CYP27C1: variants seen among roughly 807,000 people sequenced by gnomAD.
CYP27C1 encodes cytochrome P450 family 27 subfamily C member 1.
In CYP27C1, 29 loss-of-function variants were observed where a neutral mutation model predicts 40.6. That is an observed-to-expected ratio of 0.71 (90% CI 0.53 to 0.97). The LOEUF is 0.97. Among genes scored for constraint, CYP27C1 ranks in the 50% least tolerant of loss-of-function variants. CYP27C1 has a pLI of 0.00. For synonymous variants in CYP27C1, 198 were observed against 186.8 expected, an observed-to-expected ratio of 1.06 and a Z score of -0.49; for missense variants, 390 against 485.8, an observed-to-expected ratio of 0.80 and a Z score of 1.85.
intron 2 of CYP27C1, among the ~76,000 whole-genome samples, chr2:127,205,339 C>A (rs1319396123): frequency 6.6e-6 from 1 of 152,172 alleles, no homozygotes; most frequent in Non-Finnish European, 1.5e-5. Flanking sequence ...AAGTCCCACC[C>A]CATGGGGATT....
At chr2:127,203,050 C>G (rs1193938182) in intron 3 of CYP27C1, among the ~76,000 whole-genome samples, 2 of 152,036 alleles carry the variant, frequency 1.3e-5, no homozygotes, top group South Asian at 2.1e-4. Context: ...TGCCTGTAAT[C>G]CCAGCTACTC....
At position 127,218,840 on chromosome 2, in the gene CYP27C1, C is replaced by G. The variant is rs868848808; in HGVS notation, c.282+1149G>C. On this transcript the variant is annotated intron_variant, in intron 1 of 8. Transcript: ENST00000664447. This position sits in a 1 kb window ranked among gnomAD's most constrained non-coding sequence, Gnocchi z 6.0. ...GTGCTGGGCCGGGCACCCGGGGAGGCGGACGATGGGCGAAGGCATCGGAGG... is the reference window on the plus strand; with the variant it reads ...GTGCTGGGCCGGGCACCCGGGGAGGGGGACGATGGGCGAAGGCATCGGAGG... Among the ~76,000 whole-genome samples the G allele has an allele frequency of 1.3e-5, 2 of 152,332 alleles. No individual in the cohort carries two copies. The highest frequency in any genetic ancestry group is 3.4e-3 in the Middle Eastern group (1 of 294).
At chr2:127,194,657 G>A (rs1239753428) in intron 6 of CYP27C1, among the ~76,000 whole-genome samples, 1 of 152,086 alleles carries the variant, frequency 6.6e-6, no homozygotes, top group Non-Finnish European at 1.5e-5. Flanking sequence ...CATGAGGTTT[G>A]TATCCAGGTC....
intron 5 of CYP27C1, among the ~76,000 whole-genome samples, chr2:127,197,568 A>G (rs1471706426): frequency 6.6e-6 from 1 of 152,176 alleles, no homozygotes. Context: ...GCTGTGAGAC[A>G]GGCAGGGTGT....
chr2:127,188,132 T>C (rs1682676983), intron 8 of CYP27C1, among the ~76,000 whole-genome samples: 3 of 152,196 alleles, frequency 2.0e-5, no homozygotes, highest in African/African-American at 2.4e-5. Flanking sequence ...GGGACCTTGC[T>C]TTCAGCCCAT....
intron 8 of CYP27C1, 39 bp from the exon 9 acceptor site, chr2:127,187,426 C>A (rs775391484): frequency 3.2e-6 from 5 of 1,563,034 alleles, no homozygotes; most frequent in Non-Finnish European, 4.4e-6. Context: ...AGAATTGGAA[C>A]AGCAGAAAAT....
intron 7 of CYP27C1, among the ~76,000 whole-genome samples, chr2:127,193,547 G>C (rs532455976): frequency 1.3e-5 from 2 of 152,162 alleles, no homozygotes; most frequent in African/African-American, 2.4e-5. Context: ...ACTTCCACAC[G>C]GCCTGGGGAG....
intron 8 of CYP27C1, among the ~76,000 whole-genome samples, chr2:127,191,706 G>A (rs1682778882): frequency 6.6e-6 from 1 of 152,244 alleles, no homozygotes; most frequent in African/African-American, 2.4e-5. Context: ...CAGCTCAGGT[G>A]GCTGAGAAAC....
intron 2 of CYP27C1, among the ~76,000 whole-genome samples, chr2:127,204,512 A>AGAAAGGAAG: frequency 2.0e-5 from 1 of 50,154 alleles, no homozygotes; most frequent in East Asian, 1.2e-3. Flanking sequence ...AAGGAAAGAA[A>AGAAAGGAAG]GAAGGAAAGA....
chr2:127,205,087 C>T (rs1187925959), intron 2 of CYP27C1, among the ~76,000 whole-genome samples: 1 of 152,206 alleles, frequency 6.6e-6, no homozygotes, highest in East Asian at 1.9e-4. Flanking sequence ...TCCAGGCACC[C>T]ACACAGGCTC....
intron 2 of CYP27C1, among the ~76,000 whole-genome samples, chr2:127,204,467 A>AG (rs1491308820): frequency 0.21 from 17,766 of 83,746 alleles, 4,200 homozygotes; most frequent in East Asian, 0.46. Context: ...AAAGAAAGAA[A>AG]GAAAGAAAGA....
chr2:127,207,708 CAGG>C (rs1240309667), intron 1 of CYP27C1, among the ~76,000 whole-genome samples: 2 of 151,768 alleles, frequency 1.3e-5, no homozygotes, highest in African/African-American at 2.4e-5. Context: ...ATAAATTTAA[CAGG>C]AGAAGTGTAA....
At chr2:127,210,838 C>T (rs2104698628) in intron 1 of CYP27C1, among the ~76,000 whole-genome samples, 2 of 152,186 alleles carry the variant, frequency 1.3e-5, no homozygotes, top group South Asian at 4.2e-4. Flanking sequence ...TATATGCACC[C>T]AATACAGAAG....
chr2:127,211,908 G>T (rs895707331), intron 1 of CYP27C1, among the ~76,000 whole-genome samples: 1 of 152,068 alleles, frequency 6.6e-6, no homozygotes, highest in Non-Finnish European at 1.5e-5. Flanking sequence ...CCAGGAACTG[G>T]TTTTTGGAAA....
chr2:127,194,503 C>G (rs796164500), intron 6 of CYP27C1, among the ~76,000 whole-genome samples: 94 of 152,276 alleles, frequency 6.2e-4, no homozygotes, highest in African/African-American at 2.1e-3. Context: ...CGTCCCTAAT[C>G]CCACCTCCTA....
intron 8 of CYP27C1, 33 bp from the exon 9 acceptor site, chr2:127,187,420 T>C (rs764570503): frequency 3.8e-5 from 60 of 1,579,322 alleles, no homozygotes; most frequent in Non-Finnish European, 5.0e-5. Flanking sequence ...GGGGTCAGAA[T>C]TGGAACAGCA....
chr2:127,199,974 T>C (rs1193490681), intron 4 of CYP27C1, among the ~76,000 whole-genome samples: 1 of 152,148 alleles, frequency 6.6e-6, no homozygotes, highest in Non-Finnish European at 1.5e-5. Flanking sequence ...TTCAAATAAA[T>C]GTTGTGGTTG....
chr2:127,200,250 G>A lies in CYP27C1; in HGVS notation c.884-711C>T, dbSNP rs1683003555. On this transcript the variant is annotated intron_variant, in intron 4 of 8. Transcript: ENST00000664447. This position sits in a 1 kb window ranked among gnomAD's most constrained non-coding sequence, Gnocchi z 4.2. The stretch of plus-strand genomic sequence containing the variant: ...CCACCTCGGCCTCCCAAAGTGCTGG[G>A]ATTACAGGCGTGAGCCACTGCACCC... Among the ~76,000 whole-genome samples the A allele has an allele frequency of 6.6e-6, 1 of 152,350 alleles. No individual in the cohort carries two copies. The highest frequency in any genetic ancestry group is 1.9e-4 in the East Asian group (1 of 5,184).
chr2:127,198,311 G>A (rs1431543823), intron 5 of CYP27C1, among the ~76,000 whole-genome samples: 1 of 152,164 alleles, frequency 6.6e-6, no homozygotes, highest in Non-Finnish European at 1.5e-5. Context: ...ACAAATTGGG[G>A]AGTGAATGAA....
Sources: gnomAD v4.1 joint callset for allele counts (sites outside exome capture counted in the v4.1 genomes callset) on GRCh38, gnomAD v4.1.1 for gene constraint, Gnocchi (gnomAD v3.1) non-coding constraint, MANE v1.5 for transcripts, NCBI Gene and HGNC (gene_info 2026-07-23, HGNC 2026-07-21) for gene names.